Variants in GPC6 observed in about 807,000 individuals in gnomAD.
The protein encoded by GPC6 is glypican-6.
Under a neutral mutation model 55.2 loss-of-function variants are expected in GPC6, and 14 were observed. That is an observed-to-expected ratio of 0.25 (90% CI 0.17 to 0.40). The LOEUF is 0.40. GPC6 is among the 10% of genes least tolerant of loss of function. The pLI, the probability that GPC6 is intolerant of heterozygous loss-of-function variation, is 1.00. For synonymous variants in GPC6, 278 were observed against 259.6 expected (o/e 1.07, Z -0.68); for missense variants, 641 against 708.5 (o/e 0.90, Z 1.08).
chr13:93,834,321 C>T (rs1390096485), intron 3 of GPC6, among the ~76,000 whole-genome samples: 2 of 152,108 alleles, frequency 1.3e-5, no homozygotes, highest in Non-Finnish European at 2.9e-5. Flanking sequence ...ACAGAAACCT[C>T]ATTGTGAGAG....
chr13:94,082,299 C>A (rs1249495592), intron 4 of GPC6, among the ~76,000 whole-genome samples: 1 of 152,134 alleles, frequency 6.6e-6, no homozygotes, highest in Non-Finnish European at 1.5e-5. Flanking sequence ...AGACTTCCTA[C>A]CTGGGTTCCT....
intron 2 of GPC6, among the ~76,000 whole-genome samples, chr13:93,729,091 G>A (rs954787639): frequency 2.0e-5 from 3 of 152,110 alleles, no homozygotes; most frequent in Admixed American, 2.0e-4. Context: ...AAAGTAAGAG[G>A]ATGATATGGA....
chr13:93,785,904 G>GT (rs1306907503), intron 2 of GPC6, among the ~76,000 whole-genome samples: 1 of 152,162 alleles, frequency 6.6e-6, no homozygotes, highest in Middle Eastern at 3.2e-3. Flanking sequence ...CAAGGCTGCA[G>GT]TAAGTCATGA....
chr13:93,955,342 G>A (rs1335332494), intron 3 of GPC6, among the ~76,000 whole-genome samples: 1 of 149,874 alleles, frequency 6.7e-6, no homozygotes, highest in African/African-American at 2.5e-5. Context: ...AGGTCTATAT[G>A]AAGGAAGCAA....
upstream of GPC6, among the ~76,000 whole-genome samples, chr13:93,222,258 G>A (rs1441354375): frequency 6.6e-6 from 1 of 151,966 alleles, no homozygotes; most frequent in Non-Finnish European, 1.5e-5. Flanking sequence ...CTTTACTGTA[G>A]AAAACATGAA....
chr13:94,065,051 G>C (rs1369101014), intron 4 of GPC6, among the ~76,000 whole-genome samples: 4 of 152,098 alleles, frequency 2.6e-5, no homozygotes, highest in African/African-American at 9.7e-5. Flanking sequence ...TGTGGCTTAA[G>C]TGACACCAAT....
chr13:93,316,453 A>T (rs1475989346), intron 1 of GPC6, among the ~76,000 whole-genome samples: 2 of 152,106 alleles, frequency 1.3e-5, no homozygotes, highest in Non-Finnish European at 2.9e-5. Flanking sequence ...ATTAAGTGTT[A>T]CAGGAGAACA....
intron 2 of GPC6, among the ~76,000 whole-genome samples, chr13:93,637,083 T>C (rs939512416): frequency 6.6e-6 from 1 of 152,128 alleles, no homozygotes; most frequent in African/African-American, 2.4e-5. Context: ...TTGGTTTGTT[T>C]ATTTGGAGGG....
At chr13:93,455,233 C>T (rs1878405858) in intron 1 of GPC6, among the ~76,000 whole-genome samples, 1 of 152,204 alleles carries the variant, frequency 6.6e-6, no homozygotes, top group African/African-American at 2.4e-5. Flanking sequence ...AAGGGGCTCC[C>T]ACAGTGCAGC....
chr13:93,679,337 C>T (rs987614310), intron 2 of GPC6, among the ~76,000 whole-genome samples: 1 of 152,026 alleles, frequency 6.6e-6, no homozygotes, highest in African/African-American at 2.4e-5. Flanking sequence ...GCTAGTAGAC[C>T]ATGGAGTGAT....
Position 93,507,607 on chromosome 13 carries a change from G to T in GPC6, c.161-37656G>T, listed in dbSNP as rs147616097. On this transcript the variant is annotated intron_variant, in intron 1 of 8. Transcript: ENST00000377047. The stretch of plus-strand genomic sequence containing the variant: ...CAAATATCTAAGTGTTATAGACATA[G>T]ATCGTATTATAGATAATTTGTCTTT... 2.8e-4 allele frequency among the ~76,000 whole-genome samples: 42 copies of T among 152,256 alleles called. 1 individual carries two copies. The East Asian group carries it at 6.6e-3, about 24-fold the overall frequency.
intron 1 of GPC6, among the ~76,000 whole-genome samples, chr13:93,291,261 T>G (rs1878311088): frequency 6.6e-6 from 1 of 152,142 alleles, no homozygotes; most frequent in Non-Finnish European, 1.5e-5. Context: ...AGTTTGTTAT[T>G]TTTGCCTTAG....
At chr13:93,969,171 T>C (rs1594629393) in intron 3 of GPC6, among the ~76,000 whole-genome samples, 1 of 152,200 alleles carries the variant, frequency 6.6e-6, no homozygotes, top group Non-Finnish European at 1.5e-5. Flanking sequence ...CCCAGTGTTA[T>C]GGCAGCTTAG....
At chr13:93,918,980 T>C (rs7328176) in intron 3 of GPC6, among the ~76,000 whole-genome samples, 68,216 of 151,990 alleles carry the variant, frequency 0.45, 15,821 homozygotes, top group Non-Finnish European at 0.49. Flanking sequence ...GTGTGGGAGG[T>C]GGAACCTGGT....
intron 4 of GPC6, among the ~76,000 whole-genome samples, chr13:94,210,738 A>G (rs764775123): frequency 1.3e-5 from 2 of 152,230 alleles, no homozygotes; most frequent in Non-Finnish European, 2.9e-5. Context: ...TTTAGTACTT[A>G]AAGAAAATAA....
chr13:93,286,708 C>G (rs138318456), intron 1 of GPC6, among the ~76,000 whole-genome samples: 52 of 152,190 alleles, frequency 3.4e-4, no homozygotes, highest in African/African-American at 1.2e-3. Flanking sequence ...TTTTATATCC[C>G]AAGGAAACAG....
At chr13:93,235,946 T>A (rs917228345) in intron 1 of GPC6, among the ~76,000 whole-genome samples, 14 of 152,142 alleles carry the variant, frequency 9.2e-5, no homozygotes, top group Admixed American at 3.9e-4. Context: ...CCAGATCACC[T>A]CCAAATAAAC....
intron 2 of GPC6, among the ~76,000 whole-genome samples, chr13:93,645,967 C>A (rs960387387): frequency 6.6e-6 from 1 of 152,046 alleles, no homozygotes; most frequent in Non-Finnish European, 1.5e-5. Context: ...AAAGAAAAGG[C>A]GCTCGACAGT....
intron 3 of GPC6, among the ~76,000 whole-genome samples, chr13:93,945,080 G>A (rs184473238): frequency 9.2e-5 from 14 of 152,194 alleles, no homozygotes; most frequent in Admixed American, 3.9e-4. Context: ...TTCCTAATCC[G>A]TATTTCACAG....
Sources: gnomAD v4.1 joint callset for allele counts (sites outside exome capture counted in the v4.1 genomes callset) on GRCh38, gnomAD v4.1.1 for gene constraint, MANE v1.5 for transcripts, NCBI Gene and HGNC (gene_info 2026-07-23, HGNC 2026-07-21) for gene names.